PLXDC2: variants seen among roughly 807,000 people sequenced by gnomAD.
The protein encoded by PLXDC2 is plexin domain-containing protein 2.
In PLXDC2, 40 loss-of-function variants were observed where a neutral mutation model predicts 68.9. The observed-to-expected ratio is 0.58, with a 90% CI of 0.45 to 0.76. The LOEUF (loss-of-function observed/expected upper bound fraction) is 0.76, where lower values mean the gene tolerates loss of function less well. Ranked by LOEUF, PLXDC2 falls within the 30% of genes least tolerant of loss-of-function variation. PLXDC2 has a pLI of 0.00. For synonymous variants in PLXDC2, 243 were observed against 234.2 expected, an observed-to-expected ratio of 1.04 and a Z score of -0.34; for missense variants, 644 against 661.9, an observed-to-expected ratio of 0.97 and a Z score of 0.30.
At chr10:20,175,588 G>A (rs1834516154) in intron 7 of PLXDC2, among the ~76,000 whole-genome samples, 1 of 152,160 alleles carries the variant, frequency 6.6e-6, no homozygotes, top group Admixed American at 6.5e-5. Flanking sequence ...CATCACTTTG[G>A]GAGGCCAAAG....
chr10:20,236,962 AT>A (rs1346264394), intron 12 of PLXDC2, among the ~76,000 whole-genome samples: 1 of 148,674 alleles, frequency 6.7e-6, no homozygotes, highest in Non-Finnish European at 1.5e-5. Flanking sequence ...ATTCAGCTTT[AT>A]TTTTCTAAGA....
chr10:20,037,837 T>G (rs905062150), intron 2 of PLXDC2, among the ~76,000 whole-genome samples: 2 of 152,330 alleles, frequency 1.3e-5, no homozygotes, highest in Admixed American at 1.3e-4. Flanking sequence ...GAAACTGTTT[T>G]ATAATGGAAA....
intron 3 of PLXDC2, among the ~76,000 whole-genome samples, chr10:20,054,568 C>G (rs769091803): frequency 1.1e-4 from 16 of 151,900 alleles, no homozygotes; most frequent in Non-Finnish European, 2.1e-4. Flanking sequence ...GTGGATGAAG[C>G]TGGAAACCAT....
intron 12 of PLXDC2, among the ~76,000 whole-genome samples, chr10:20,245,128 A>T (rs1489229286): frequency 3.9e-5 from 6 of 152,200 alleles, no homozygotes; most frequent in Admixed American, 3.9e-4. Context: ...AAATAAAAAT[A>T]AAACACAGTG....
At chr10:20,125,315 A>G (rs1833757607) in intron 4 of PLXDC2, among the ~76,000 whole-genome samples, 1 of 152,180 alleles carries the variant, frequency 6.6e-6, no homozygotes, top group Admixed American at 6.5e-5. Flanking sequence ...GCACCTAAGG[A>G]AGATTGAAAT....
rs60138814 is a variant in PLXDC2, at chr10:19,949,123, CAAAAAA to C, written c.113-52633_113-52628del. On this transcript the variant is annotated intron_variant, in intron 1 of 13. Coordinates refer to ENST00000377252, the MANE Select transcript of PLXDC2 (RefSeq NM_032812.9). ...GTCTGGCAACAGAGCGAGACTTTGT[CAAAAAA>C]AAAAAAAAAAAAAAAAAAGAATAGA... 5.9e-4 allele frequency among the ~76,000 whole-genome samples: 49 copies of C among 82,918 alleles called. No individual in the cohort carries two copies. In the East Asian group the frequency reaches 9.1e-3, roughly 15 times the overall value. The allele number at this position is 82,918 out of a possible 152,430, so 54.4% of individuals were successfully genotyped here.
chr10:19,837,279 G>A (rs1384978901), intron 1 of PLXDC2, among the ~76,000 whole-genome samples: 1 of 151,968 alleles, frequency 6.6e-6, no homozygotes, highest in African/African-American at 2.4e-5. Flanking sequence ...AAGAACAAAA[G>A]TTAAAACACA....
At chr10:19,928,935 A>T (rs1480039965) in intron 1 of PLXDC2, among the ~76,000 whole-genome samples, 1 of 151,392 alleles carries the variant, frequency 6.6e-6, no homozygotes, top group Non-Finnish European at 1.5e-5. Flanking sequence ...TTGTGTTTTT[A>T]GTAGAGATGG....
intron 1 of PLXDC2, among the ~76,000 whole-genome samples, chr10:19,970,317 A>G (rs73603685): frequency 0.023 from 3,518 of 152,282 alleles, 145 homozygotes; most frequent in African/African-American, 0.08. Context: ...CCTCATCATC[A>G]TCATAATCAG....
intron 1 of PLXDC2, among the ~76,000 whole-genome samples, chr10:19,949,077 A>G (rs1398048832): frequency 1.4e-5 from 2 of 144,734 alleles, no homozygotes; most frequent in African/African-American, 5.2e-5. Context: ...CAGTGAACCA[A>G]GATTGCACCA....
At chr10:20,060,606 C>A (rs10827939) in intron 3 of PLXDC2, among the ~76,000 whole-genome samples, 1 of 151,976 alleles carries the variant, frequency 6.6e-6, no homozygotes, top group Non-Finnish European at 1.5e-5. Context: ...GCCCAGCTTG[C>A]TGCTCTGTTA....
chr10:19,988,852 A>C (rs1205022781), intron 1 of PLXDC2, among the ~76,000 whole-genome samples: 1 of 118,382 alleles, frequency 8.4e-6, no homozygotes, highest in Non-Finnish European at 1.6e-5. Flanking sequence ...CTGGAGTGCA[A>C]TGGCGCCATC....
In PLXDC2 at chr10:20,275,090, ACAGT is replaced by A. The variant is rs370664064; in HGVS notation, c.1474-4610_1474-4607del. On this transcript the variant is annotated intron_variant, in intron 13 of 13. Coordinates refer to ENST00000377252, the MANE Select transcript of PLXDC2 (RefSeq NM_032812.9). Reference sequence around the variant, plus strand: ...GAGAGAAAAAAATTCCTTCCCTTGGACAGTCAAACTGTCGAAGCTAAATATTGAA... The same window carrying A: ...GAGAGAAAAAAATTCCTTCCCTTGGACAAACTGTCGAAGCTAAATATTGAA... 4.9e-3 allele frequency among the ~76,000 whole-genome samples: 752 copies of A among 152,320 alleles called. 8 individuals carry two copies. Among genetic ancestry groups the A allele is most frequent in the African/African-American group, 0.017 (714 of 41,560 alleles).
chr10:19,919,783 G>A (rs568870994), intron 1 of PLXDC2, among the ~76,000 whole-genome samples: 1 of 152,226 alleles, frequency 6.6e-6, no homozygotes, highest in Admixed American at 6.5e-5. Flanking sequence ...CTATCTAGAC[G>A]ATTCCATTCT....
At chr10:19,925,961 A>G (rs962162330) in intron 1 of PLXDC2, among the ~76,000 whole-genome samples, 24 of 152,222 alleles carry the variant, frequency 1.6e-4, no homozygotes, top group African/African-American at 4.8e-4. Flanking sequence ...CTGGCATTAG[A>G]GAGCTCCCAC....
At chr10:19,818,149 G>T (rs1306374893) in intron 1 of PLXDC2, among the ~76,000 whole-genome samples, 1 of 151,116 alleles carries the variant, frequency 6.6e-6, no homozygotes, top group Non-Finnish European at 1.5e-5. Flanking sequence ...AAAGAAAAAA[G>T]AAAAAACTTG....
Position 19,882,996 on chromosome 10 carries a change from G to A in PLXDC2, c.112+65805G>A, listed in dbSNP as rs185128743. ...TTTTGAGACAGAGTCTCACTTTGTC[G>A]CCCAGGCTGGAGTGCAGTGGCTCGA... On this transcript the variant is annotated intron_variant, in intron 1 of 13. Transcript: ENST00000377252. 4.8e-3 allele frequency among the ~76,000 whole-genome samples: 646 copies of A among 133,434 alleles called. 3 individuals carry two copies. Among genetic ancestry groups the A allele is most frequent in the South Asian group, 0.038 (165 of 4,380 alleles). The allele number at this position is 133,434 out of a possible 152,430, so 87.5% of individuals were successfully genotyped here. A position where few individuals can be genotyped will look rare whatever the true frequency, so the allele number is the denominator to read the frequency against.
At chr10:20,007,651 T>C (rs930185376) in intron 2 of PLXDC2, among the ~76,000 whole-genome samples, 3 of 152,246 alleles carry the variant, frequency 2.0e-5, no homozygotes, top group African/African-American at 7.2e-5. Context: ...TCTGAAACTT[T>C]AACAAGCTTA....
chr10:20,042,232 G>A (rs773948825), intron 2 of PLXDC2, among the ~76,000 whole-genome samples: 4 of 152,088 alleles, frequency 2.6e-5, no homozygotes, highest in South Asian at 2.1e-4. Flanking sequence ...TTATTTCATC[G>A]TGTCCTTTTG....
Sources: allele counts gnomAD v4.1 joint callset (sites outside exome capture counted in the v4.1 genomes callset), GRCh38; gene constraint gnomAD v4.1.1; transcripts MANE v1.5; gene names NCBI Gene and HGNC (gene_info 2026-07-23, HGNC 2026-07-21).